Variants in RGS17 observed in about 807,000 individuals in gnomAD.
RGS17 encodes regulator of G-protein signaling 17.
In RGS17, 12 loss-of-function variants were observed where a neutral mutation model predicts 25.5. The ratio of observed to expected loss-of-function variants is 0.47; its 90% CI spans 0.30 to 0.76. The LOEUF (loss-of-function observed/expected upper bound fraction) is 0.76. RGS17 is among the 30% of genes least tolerant of loss of function. The pLI, the probability that RGS17 is intolerant of heterozygous loss-of-function variation, is 0.07. For synonymous variants in RGS17, 71 were observed against 76.9 expected (o/e 0.92, Z 0.40); for missense variants, 196 against 242.2 (o/e 0.81, Z 1.27).
intron 2 of RGS17, among the ~76,000 whole-genome samples, chr6:153,042,151 T>C (rs143159287): frequency 2.9e-4 from 44 of 152,346 alleles, no homozygotes; most frequent in African/African-American, 1.1e-3. Flanking sequence ...TCTTTAGGCA[T>C]GACACAGAAA....
chr6:153,095,484 A>G (rs1270278787), intron 1 of RGS17, among the ~76,000 whole-genome samples: 3 of 152,152 alleles, frequency 2.0e-5, no homozygotes, highest in East Asian at 1.9e-4. Flanking sequence ...TACCAGGTGT[A>G]TTTACTCTAG....
chr6:153,054,094 A>ATATATATATG (rs1241042477), intron 1 of RGS17, among the ~76,000 whole-genome samples: 9 of 60,652 alleles, frequency 1.5e-4, no homozygotes, highest in African/African-American at 6.0e-4. Context: ...AATATTTTTT[A>ATATATATATG]TATATATATA....
intron 1 of RGS17, among the ~76,000 whole-genome samples, chr6:153,115,687 A>G (rs1777534129): frequency 6.6e-6 from 1 of 152,236 alleles, no homozygotes; most frequent in South Asian, 2.1e-4. Context: ...CTACAAGGCT[A>G]CAGTAACAAA....
intron 4 of RGS17, among the ~76,000 whole-genome samples, chr6:153,016,781 C>T (rs1356544005): frequency 3.9e-5 from 6 of 152,178 alleles, no homozygotes; most frequent in Non-Finnish European, 4.4e-5. Context: ...TAAGGATAAA[C>T]CCCATGGGGA....
intron 1 of RGS17, among the ~76,000 whole-genome samples, chr6:153,128,835 T>C (rs953176681): frequency 2.0e-5 from 3 of 152,110 alleles, no homozygotes; most frequent in African/African-American, 7.2e-5. Context: ...GAGATACCTA[T>C]TTGAGAAGGA....
intron 1 of RGS17, among the ~76,000 whole-genome samples, chr6:153,065,781 C>T (rs1317660118): frequency 6.6e-6 from 1 of 152,014 alleles, no homozygotes; most frequent in East Asian, 1.9e-4. Flanking sequence ...ACAGTAAAAG[C>T]AGTACTAAGA....
rs1776355038 is a variant in RGS17 at position 153,043,967 on chromosome 6, C to T, written c.52G>A (p.Ala18Thr). 1 of 1,613,048 alleles carries T rather than the reference C, an allele frequency of 6.2e-7. No individual in the cohort carries two copies. The highest frequency in any genetic ancestry group is 8.5e-7 in the Non-Finnish European group (1 of 1,179,630). ...TTGTTGGGCCTCTGGTTTCCAGGAG[C>T]TTGAGACACGGCAGGTGTTCCTTCA... ...QNEGTPAVSQAPGNQRPNNTC... is the reference protein window; with the variant it reads ...QNEGTPAVSQTPGNQRPNNTC... Residue 18 changes from alanine to threonine, a missense_variant, in exon 2 of 5, where the codon GCT becomes ACT. By Grantham distance (58) the Ala-to-Thr change is moderately conservative. Around this residue, in one of 2 missense-constraint regions of RGS17, gnomAD observed 17 missense variants for 44.7 expected, o/e 0.38. Coordinates refer to ENST00000206262, the MANE Select transcript of RGS17 (RefSeq NM_012419.5).
At chr6:153,076,108 T>C (rs1240464172) in intron 1 of RGS17, among the ~76,000 whole-genome samples, 15 of 152,164 alleles carry the variant, frequency 9.9e-5, no homozygotes, top group Admixed American at 9.8e-4. Flanking sequence ...ATATGCTAAA[T>C]TGTTAATATA....
intron 4 of RGS17, among the ~76,000 whole-genome samples, chr6:153,019,283 G>A (rs1779215309): frequency 6.6e-6 from 1 of 152,136 alleles, no homozygotes; most frequent in Admixed American, 6.5e-5. Flanking sequence ...CTACCTAACT[G>A]GACCATGGTT....
intron 1 of RGS17, among the ~76,000 whole-genome samples, chr6:153,062,191 C>G (rs1776648800): frequency 6.7e-6 from 1 of 148,318 alleles, no homozygotes; most frequent in Admixed American, 6.8e-5. Context: ...CTCACAATAC[C>G]TGGTTTTAAT....
intron 1 of RGS17, among the ~76,000 whole-genome samples, chr6:153,092,458 C>G (rs1017771060): frequency 3.3e-5 from 5 of 152,292 alleles, no homozygotes; most frequent in South Asian, 4.1e-4. Flanking sequence ...GGTATCAGTT[C>G]TCTAAAGCAA....
At chr6:153,092,269 G>T (rs1777144129) in intron 1 of RGS17, among the ~76,000 whole-genome samples, 1 of 152,226 alleles carries the variant, frequency 6.6e-6, no homozygotes, top group Non-Finnish European at 1.5e-5. Context: ...ATGCTGTCAT[G>T]TTGATATATC....
chr6:153,018,315 T>A (rs950996886), intron 4 of RGS17, among the ~76,000 whole-genome samples: 1 of 152,194 alleles, frequency 6.6e-6, no homozygotes, highest in African/African-American at 2.4e-5. Context: ...AAGCACCACA[T>A]TTGGAATCAG....
intron 1 of RGS17, among the ~76,000 whole-genome samples, chr6:153,075,690 G>T (rs1776866187): frequency 6.6e-6 from 1 of 152,108 alleles, no homozygotes. Flanking sequence ...CTATAAAATG[G>T]AGAACTGTGC....
At chr6:153,080,070 C>T (rs1230330023) in intron 1 of RGS17, among the ~76,000 whole-genome samples, 2 of 152,152 alleles carry the variant, frequency 1.3e-5, no homozygotes, top group East Asian at 3.9e-4. Context: ...CAACCTCCGC[C>T]TTCTGGGTTC....
At chr6:153,098,799 A>T (rs1777254871) in intron 1 of RGS17, among the ~76,000 whole-genome samples, 1 of 152,216 alleles carries the variant, frequency 6.6e-6, no homozygotes, top group South Asian at 2.1e-4. Context: ...TGCTTCCAAT[A>T]AGAATACTAT....
intron 1 of RGS17, among the ~76,000 whole-genome samples, chr6:153,046,232 G>A (rs1776382644): frequency 6.6e-6 from 1 of 152,046 alleles, no homozygotes; most frequent in Admixed American, 6.6e-5. Context: ...TTTTTTAAGG[G>A]ATATAAAATG....
chr6:153,124,673 A>C (rs995613650), intron 1 of RGS17, among the ~76,000 whole-genome samples: 2 of 152,192 alleles, frequency 1.3e-5, no homozygotes, highest in African/African-American at 4.8e-5. Context: ...TGAATCTAAA[A>C]CCTGGGCTCT....
At chr6:153,105,033 G>A (rs1388302191) in intron 1 of RGS17, among the ~76,000 whole-genome samples, 1 of 152,214 alleles carries the variant, frequency 6.6e-6, no homozygotes, top group Non-Finnish European at 1.5e-5. Flanking sequence ...CAGAAAGGAA[G>A]AGCCTGGAAG....
Sources: gnomAD v4.1 joint callset for allele counts (sites outside exome capture counted in the v4.1 genomes callset) on GRCh38, gnomAD v4.1.1 for gene constraint, gnomAD v4.1.1 regional missense constraint, MANE v1.5 for transcripts, NCBI Gene and HGNC (gene_info 2026-07-23, HGNC 2026-07-21) for gene names.